Variants in MAPK4 observed in about 807,000 individuals in gnomAD.
MAPK4 encodes Erk3-related.
Under a neutral mutation model 47.7 loss-of-function variants are expected in MAPK4, and 22 were observed. The observed-to-expected ratio is 0.46, with a 90% CI of 0.33 to 0.66. The LOEUF (loss-of-function observed/expected upper bound fraction) is 0.66. Ranked by LOEUF, MAPK4 falls within the 30% of genes least tolerant of loss-of-function variation. MAPK4 has a pLI of 0.02. For synonymous variants in MAPK4, 390 were observed against 365.7 expected (o/e 1.07, Z -0.76); for missense variants, 736 against 831.7 (o/e 0.88, Z 1.42).
intron 5 of MAPK4, among the ~76,000 whole-genome samples, chr18:50,727,989 G>A (rs1025148559): frequency 6.6e-6 from 1 of 152,232 alleles, no homozygotes; most frequent in Non-Finnish European, 1.5e-5. Context: ...AATCAAGGAG[G>A]CAGGGTTCAG....
chr18:50,677,952 G>A (rs981235713), intron 2 of MAPK4, among the ~76,000 whole-genome samples: 2 of 152,150 alleles, frequency 1.3e-5, no homozygotes, highest in Non-Finnish European at 1.5e-5. Context: ...TGGGGTGAGG[G>A]TGGGTTCCAT....
At chr18:50,724,500 G>A (rs1911091656) in intron 4 of MAPK4, among the ~76,000 whole-genome samples, 1 of 152,220 alleles carries the variant, frequency 6.6e-6, no homozygotes, top group African/African-American at 2.4e-5. Flanking sequence ...CTTGAAGCTG[G>A]GCCCCGCACT....
At chr18:50,703,915 G>C (rs1277531712) in intron 2 of MAPK4, among the ~76,000 whole-genome samples, 1 of 152,156 alleles carries the variant, frequency 6.6e-6, no homozygotes, top group Admixed American at 6.5e-5. Flanking sequence ...AAGTCTGTAG[G>C]TGAGACTCCT....
intron 1 of MAPK4, among the ~76,000 whole-genome samples, chr18:50,567,755 G>A (rs1405610989): frequency 6.7e-6 from 1 of 148,504 alleles, no homozygotes; most frequent in Non-Finnish European, 1.5e-5. Flanking sequence ...TGTGTGTGTG[G>A]GTGGGTGTGG....
At chr18:50,575,568 G>A (rs568244841) in intron 1 of MAPK4, among the ~76,000 whole-genome samples, 99 of 152,208 alleles carry the variant, frequency 6.5e-4, no homozygotes, top group African/African-American at 2.2e-3. Context: ...CTATCAAAAA[G>A]TGTAAGGCAA....
At chr18:50,695,260 C>A (rs1909442684) in intron 2 of MAPK4, among the ~76,000 whole-genome samples, 3 of 146,422 alleles carry the variant, frequency 2.0e-5, no homozygotes, top group Non-Finnish European at 4.4e-5. Context: ...GCAGAAGAAT[C>A]GTTTGAACCC....
intron 2 of MAPK4, among the ~76,000 whole-genome samples, chr18:50,689,947 G>A (rs941386654): frequency 2.6e-5 from 4 of 152,176 alleles, no homozygotes; most frequent in African/African-American, 9.7e-5. Flanking sequence ...GGTGTCTTAG[G>A]AATTAATACC....
intron 1 of MAPK4, among the ~76,000 whole-genome samples, chr18:50,659,582 A>G (rs949353326): frequency 6.6e-6 from 1 of 152,178 alleles, no homozygotes; most frequent in African/African-American, 2.4e-5. Context: ...AAAAGGCTGG[A>G]TGAGTGAGAG....
chr18:50,726,751 T>C (rs1217718400), intron 5 of MAPK4, among the ~76,000 whole-genome samples: 2 of 151,772 alleles, frequency 1.3e-5, no homozygotes, highest in African/African-American at 4.8e-5. Flanking sequence ...TTTTTTTTAA[T>C]TAGCCAGGCA....
chr18:50,596,240 G>A (rs1224508514), intron 1 of MAPK4, among the ~76,000 whole-genome samples: 1 of 152,118 alleles, frequency 6.6e-6, no homozygotes, highest in African/African-American at 2.4e-5. Flanking sequence ...CCAGTAAGGG[G>A]TGCGGGTAGA....
chr18:50,689,240 A>G (rs1284883840), intron 2 of MAPK4, among the ~76,000 whole-genome samples: 2 of 148,880 alleles, frequency 1.3e-5, no homozygotes, highest in East Asian at 3.9e-4. Flanking sequence ...TACTAAAAAT[A>G]TAAAAAATTA....
chr18:50,631,900 A>G (rs1250981830), intron 1 of MAPK4, among the ~76,000 whole-genome samples: 1 of 152,242 alleles, frequency 6.6e-6, no homozygotes, highest in Non-Finnish European at 1.5e-5. Flanking sequence ...TCAGCAAGGA[A>G]CACTTCAGAG....
intron 1 of MAPK4, among the ~76,000 whole-genome samples, chr18:50,640,627 G>A (rs1160566329): frequency 1.3e-5 from 2 of 151,982 alleles, no homozygotes; most frequent in Non-Finnish European, 2.9e-5. Flanking sequence ...CACCACGTCT[G>A]GCTAATTTTT....
chr18:50,627,365 A>C (rs2042788078), intron 1 of MAPK4, among the ~76,000 whole-genome samples: 1 of 152,174 alleles, frequency 6.6e-6, no homozygotes, highest in African/African-American at 2.4e-5. Context: ...AGAGGTTACA[A>C]TGGATAGCAA....
At chr18:50,709,754 G>A (rs890020675) in intron 2 of MAPK4, among the ~76,000 whole-genome samples, 7 of 152,190 alleles carry the variant, frequency 4.6e-5, no homozygotes, top group Non-Finnish European at 7.3e-5. Context: ...ACAGCACCTT[G>A]AACCAGTCAT....
intron 1 of MAPK4, among the ~76,000 whole-genome samples, chr18:50,634,315 C>T (rs72919746): frequency 3.8e-4 from 54 of 143,820 alleles, no homozygotes; most frequent in African/African-American, 4.1e-4. Context: ...TTTTTTTTTT[C>T]TTTTTTTTTT....
intron 1 of MAPK4, among the ~76,000 whole-genome samples, chr18:50,635,265 A>G (rs1031777711): frequency 1.3e-5 from 2 of 152,054 alleles, no homozygotes; most frequent in African/African-American, 4.8e-5. Flanking sequence ...CCTTCTCAGC[A>G]TTTGCATCCC....
intron 2 of MAPK4, among the ~76,000 whole-genome samples, chr18:50,696,056 G>T (rs1267658516): frequency 6.6e-6 from 1 of 151,588 alleles, no homozygotes; most frequent in Non-Finnish European, 1.5e-5. Context: ...GGAGGGCACT[G>T]CAGGATGCAG....
chr18:50,714,302 C>G (rs527898643), intron 2 of MAPK4, among the ~76,000 whole-genome samples: 1 of 152,242 alleles, frequency 6.6e-6, no homozygotes, highest in East Asian at 1.9e-4. Context: ...ATGTAGAAAA[C>G]AATTTCTAAA....
Sources: allele counts gnomAD v4.1 joint callset (sites outside exome capture counted in the v4.1 genomes callset), GRCh38; gene constraint gnomAD v4.1.1; transcripts MANE v1.5; gene names NCBI Gene and HGNC (gene_info 2026-07-23, HGNC 2026-07-21).